IFI44: variants seen among roughly 807,000 people sequenced by gnomAD.
IFI44 encodes interferon induced protein 44.
A neutral mutation model predicts 45.0 loss-of-function variants in IFI44; 42 were observed. That is an observed-to-expected ratio of 0.93 (90% CI 0.73 to 1.21). The LOEUF is 1.21. IFI44 is among the 50% of genes most tolerant of loss of function. The pLI is 0.00. For synonymous variants in IFI44, 221 were observed against 188.6 expected (o/e 1.17, Z -1.41); for missense variants, 623 against 525.8 (o/e 1.18, Z -1.81).
rs1647613966 is a variant in IFI44 at position 78,663,866 on chromosome 1, A to G, written c.*55A>G. 8.3e-6 allele frequency: 13 copies of G among 1,560,564 alleles called. No homozygotes were observed. The highest frequency in any genetic ancestry group is 1.1e-5 in the Non-Finnish European group (13 of 1,142,314). On this transcript the variant is annotated 3_prime_UTR_variant, in exon 9 of 9. Coordinates refer to ENST00000370747, the MANE Select transcript of IFI44 (RefSeq NM_006417.5). ...ACATCACAGAAGATTAAAATTCAGA[A>G]AGGAGAAAACACAGACCAAAGAGAA...
intron 3 of IFI44, among the ~76,000 whole-genome samples, chr1:78,654,718 T>A (rs1647180310): frequency 6.6e-6 from 1 of 151,816 alleles, no homozygotes; most frequent in South Asian, 2.1e-4. Flanking sequence ...ACTTCTGAAG[T>A]TTAGTCTTAA....
chr1:78,659,363 C>T lies in IFI44; in HGVS notation c.892C>T (p.Pro298Ser), dbSNP rs1407525001. The T allele has an allele frequency of 1.9e-6, 3 of 1,613,172 alleles. No homozygotes were observed. Among genetic ancestry groups the T allele is most frequent in the Non-Finnish European group, 2.5e-6 (3 of 1,179,366 alleles). ...AAATCATCATGACTACATTGATTCC[C>T]CATCGCTGAAGGACAGAATTCATTG... is the stretch of plus-strand genomic sequence containing the variant. ...KLNHHDYIDS[P>S]SLKDRIHCVA... Residue 298 changes from proline to serine, a missense_variant, in exon 6 of 9, where the codon CCA becomes TCA. Pro to Ser is a moderately conservative substitution (Grantham distance 74). Coordinates refer to ENST00000370747, the MANE Select transcript of IFI44 (RefSeq NM_006417.5).
At position 78,650,530 on chromosome 1, in the gene IFI44, C is replaced by A. The variant is rs774171821; in HGVS notation, c.335C>A (p.Thr112Asn). 6.2e-7 allele frequency: 1 copy of A among 1,613,502 alleles called. No individual in the cohort carries two copies. Among genetic ancestry groups the A allele is most frequent in the South Asian group, 1.1e-5 (1 of 91,064 alleles). ...GATGTTACAAAATATAACTCCCCAA[C>A]TAATTTCCAGATAGATGGAAGAAAT... Reference protein sequence around the residue: ...CCDVTKYNSPTNFQIDGRNRK... With the variant: ...CCDVTKYNSPNNFQIDGRNRK... The change falls in exon 2 of 9, where the codon ACT (threonine) becomes AAT (asparagine). Residue 112 changes from threonine (T) to asparagine (N), a missense_variant. Coordinates refer to ENST00000370747, the MANE Select transcript of IFI44 (RefSeq NM_006417.5).
rs1407976799 is a variant in IFI44, at chr1:78,655,404, C to G, written c.733C>G (p.Leu245Val). 16 of 1,613,682 alleles carry G rather than the reference C, an allele frequency of 9.9e-6. No individual in the cohort carries two copies. Among genetic ancestry groups the G allele is most frequent in the Non-Finnish European group, 1.3e-5 (15 of 1,179,768 alleles). Reference sequence around the variant, plus strand: ...TAGAGACGGGAAAGATGGCAAATACCTGCCGTTTATTCTGTGTGACTCACT... The same window carrying G: ...TAGAGACGGGAAAGATGGCAAATACGTGCCGTTTATTCTGTGTGACTCACT... ...SIRDGKDGKY[L>V]PFILCDSLGL... Residue 245 changes from leucine (L) to valine (V), a missense_variant, in exon 5 of 9, where the codon CTG becomes GTG. By Grantham distance (32) the Leu-to-Val change is conservative. Coordinates refer to ENST00000370747, the MANE Select transcript of IFI44 (RefSeq NM_006417.5).
intron 8 of IFI44, chr1:78,663,298 T>C: frequency 1.0e-6 from 1 of 985,304 alleles, no homozygotes; most frequent in Admixed American, 6.1e-5. Flanking sequence ...CTCCTGTCTT[T>C]CTTTGACTTG....
intron 2 of IFI44, among the ~76,000 whole-genome samples, chr1:78,652,969 G>A (rs929726092): frequency 6.6e-6 from 1 of 151,950 alleles, no homozygotes; most frequent in Non-Finnish European, 1.5e-5. Flanking sequence ...ATCTTTTTCA[G>A]CATTTTGTTT....
At position 78,654,358 on chromosome 1, in the gene IFI44, T is replaced by A. The variant is rs1181631143; in HGVS notation, c.494+79T>A. 5.4e-6 allele frequency: 4 copies of A among 745,060 alleles called. No homozygotes were observed. In the Admixed American group the frequency reaches 9.0e-5, roughly 17 times the overall value. 46.2% of individuals were successfully genotyped at this position (745,060 alleles called of 1,614,324 possible). ...CTATGATAGGTCTCATCAATATAAT[T>A]GGCAACACATATTATCACACATAAC... On this transcript the variant is annotated intron_variant, in intron 3 of 8. Coordinates refer to ENST00000370747, the MANE Select transcript of IFI44 (RefSeq NM_006417.5).
At position 78,650,418 on chromosome 1, in the gene IFI44, G is replaced by A. The variant is rs1647103561; in HGVS notation, c.223G>A (p.Ala75Thr). The A allele has an allele frequency of 6.2e-7, 1 of 1,613,480 alleles. No individual in the cohort carries two copies. Among genetic ancestry groups the A allele is most frequent in the Non-Finnish European group, 8.5e-7 (1 of 1,179,420 alleles). The change falls in exon 2 of 9, where the codon GCT becomes ACT. Residue 75 changes from alanine (A) to threonine (T), a missense_variant. Coordinates refer to ENST00000370747, the MANE Select transcript of IFI44 (RefSeq NM_006417.5). ...AEESYQEGKY[A>T]SIILFALQDT... is the part of the protein sequence containing the mutation. ...AGAGAGTTACCAGGAAGGAAAGTAT[G>A]CTTCCATCATCCTTTTTGCACTTCA... is the stretch of plus-strand genomic sequence containing the variant.
chr1:78,660,467 T>G, intron 6 of IFI44, 87 bp from the exon 7 acceptor site: 1 of 968,276 alleles, frequency 1.0e-6, no homozygotes, highest in African/African-American at 1.6e-5. Context: ...AATTGTTCCA[T>G]AGGTTGCCTA....
Position 78,655,504 on chromosome 1 carries a change from G to C in IFI44, c.833G>C (p.Arg278Thr). ...ATCTTGAACGGTAACATTCGTGATA[G>C]ATACCAGGTAATATTTGACTAATGA... Reference protein sequence around the residue: ...FYILNGNIRDRYQFNPMESIK... With the variant: ...FYILNGNIRDTYQFNPMESIK... The change falls in exon 5 of 9, where the codon AGA (arginine) becomes ACA (threonine). Residue 278 changes from arginine (R) to threonine (T), a missense_variant. Arg to Thr is a moderately conservative substitution (Grantham distance 71, BLOSUM62 -1). Transcript: ENST00000370747. 1 of 1,604,096 alleles carries C rather than the reference G, an allele frequency of 6.2e-7. No homozygotes were observed. The highest frequency in any genetic ancestry group is 8.5e-7 in the Non-Finnish European group (1 of 1,176,810).
intron 2 of IFI44, among the ~76,000 whole-genome samples, chr1:78,653,839 T>C (rs984326396): frequency 3.3e-5 from 5 of 152,216 alleles, no homozygotes; most frequent in African/African-American, 1.2e-4. Flanking sequence ...CTCAGACTTA[T>C]TGGATTATGG....
chr1:78,651,181 T>C (rs927139405), intron 2 of IFI44, among the ~76,000 whole-genome samples: 5 of 152,178 alleles, frequency 3.3e-5, no homozygotes, highest in Non-Finnish European at 7.3e-5. Flanking sequence ...GCATTACATT[T>C]ATTGTGCACT....
rs1570406950 is a variant in IFI44 at position 78,662,875 on chromosome 1, A to T, written c.1285A>T (p.Ile429Leu). 2 of 1,583,310 alleles carry T rather than the reference A, an allele frequency of 1.3e-6. No homozygotes were observed. Among genetic ancestry groups the T allele is most frequent in the African/African-American group, 3.1e-5 (2 of 64,370 alleles). ...DFLEDLPFEQ[I>L]GNLREEIINC... ...CTTAGAGGATTTGCCTTTTGAGCAA[A>T]TAGGTAGATGGTTTGGTGGTGTGGA... Residue 429 changes from isoleucine (I) to leucine (L), a missense_variant, in exon 8 of 9, where the codon ATA (isoleucine) becomes TTA (leucine). Ile to Leu is a conservative substitution (Grantham distance 5, BLOSUM62 2). Transcript: ENST00000370747.
At chr1:78,653,077 C>T (rs1030923932) in intron 2 of IFI44, among the ~76,000 whole-genome samples, 1 of 151,982 alleles carries the variant, frequency 6.6e-6, no homozygotes, top group African/African-American at 2.4e-5. Flanking sequence ...ATTTATTTTA[C>T]ATTTTAAAAT....
In IFI44 at chr1:78,650,509, T is replaced by G. The variant is rs1367185424; in HGVS notation, c.314T>G (p.Val105Gly). 1.3e-5 allele frequency: 21 copies of G among 1,613,950 alleles called. No individual in the cohort carries two copies. The highest frequency in any genetic ancestry group is 1.8e-5 in the Non-Finnish European group (21 of 1,179,838). Residue 105 changes from valine (V) to glycine (G), a missense_variant, in exon 2 of 9, where the codon GTT becomes GGT. By Grantham distance (109) the Val-to-Gly change is moderately radical. Coordinates refer to ENST00000370747, the MANE Select transcript of IFI44 (RefSeq NM_006417.5). ...CTPETLFCCD[V>G]TKYNSPTNFQ... The stretch of plus-strand genomic sequence containing the variant: ...CCAGAAACACTGTTTTGTTGTGATG[T>G]TACAAAATATAACTCCCCAACTAAT...
intron 5 of IFI44, 148 bp downstream of exon 5, chr1:78,655,659 C>T (rs751772599): frequency 3.5e-4 from 230 of 657,980 alleles, no homozygotes; most frequent in Admixed American, 8.4e-4. Flanking sequence ...AAAAACATCT[C>T]GAGGGCTCTT....
intron 5 of IFI44, among the ~76,000 whole-genome samples, chr1:78,656,997 A>G (rs1026445299): frequency 2.6e-5 from 4 of 151,324 alleles, no homozygotes; most frequent in Non-Finnish European, 5.9e-5. Context: ...ATCTATATCT[A>G]CCCACTTTCT....
intron 2 of IFI44, among the ~76,000 whole-genome samples, chr1:78,651,701 C>T (rs1470759577): frequency 6.6e-6 from 1 of 152,142 alleles, no homozygotes; most frequent in Non-Finnish European, 1.5e-5. Context: ...TCCTCCTTTC[C>T]TCCTTCCAAC....
rs140557071 is a variant in IFI44 at position 78,663,478 on chromosome 1, G to A, written c.1289-287G>A. The stretch of plus-strand genomic sequence containing the variant: ...CTGTTCCATTTAGAGATTTGACAGA[G>A]GTTTCAGTTTAGTATACTCAAATCT... On this transcript the variant is annotated intron_variant, in intron 8 of 8. Coordinates refer to ENST00000370747, the MANE Select transcript of IFI44 (RefSeq NM_006417.5). 2.4e-3 allele frequency: 2,331 copies of A among 985,292 alleles called. 5 individuals carry two copies. The highest frequency in any genetic ancestry group is 5.5e-3 in the Admixed American group (90 of 16,280). 61.0% of individuals were successfully genotyped at this position (985,292 alleles called of 1,614,324 possible).
Sources: gnomAD v4.1 joint callset for allele counts (sites outside exome capture counted in the v4.1 genomes callset) on GRCh38, gnomAD v4.1.1 for gene constraint, MANE v1.5 for transcripts, NCBI Gene and HGNC (gene_info 2026-07-23, HGNC 2026-07-21) for gene names.